GNG7: variants seen among roughly 807,000 people sequenced by gnomAD.
GNG7 encodes the protein guanine nucleotide-binding protein G(I)/G(S)/G(O) subunit gamma-7.
In GNG7, 1 loss-of-function variant was observed where a neutral mutation model predicts 4.0. The observed-to-expected ratio is 0.25, with a 90% confidence interval of 0.09 to 1.18. The LOEUF is 1.18. GNG7 is among the 50% of genes most tolerant of loss of function. GNG7 has a pLI of 0.50. For missense variants in GNG7, 86 were observed against 91.9 expected (o/e 0.94, Z 0.26); for synonymous variants, 34 against 36.9 (o/e 0.92, Z 0.29).
At chr19:2,667,877 T>G (rs1188909708) in intron 1 of GNG7, among the ~76,000 whole-genome samples, 1 of 151,982 alleles carries the variant, frequency 6.6e-6, no homozygotes, top group Non-Finnish European at 1.5e-5. Flanking sequence ...ATTGCACCAC[T>G]GTACTCCAGC....
chr19:2,538,119 G>C (rs1399990980), intron 3 of GNG7: 12 of 454,186 alleles, frequency 2.6e-5, no homozygotes, highest in Non-Finnish European at 5.3e-5. Flanking sequence ...AATGAATGGA[G>C]AGGAGAAAAG....
At chr19:2,529,715 T>C (rs375778140) in intron 3 of GNG7, among the ~76,000 whole-genome samples, 2 of 152,224 alleles carry the variant, frequency 1.3e-5, no homozygotes, top group South Asian at 2.1e-4. Flanking sequence ...GGACTGTGAG[T>C]TGCATCAGCC....
At chr19:2,537,617 C>G (rs1196553712) in intron 3 of GNG7, among the ~76,000 whole-genome samples, 1 of 151,610 alleles carries the variant, frequency 6.6e-6, no homozygotes, top group Non-Finnish European at 1.5e-5. Flanking sequence ...TGAGCATGCT[C>G]AAAGTGTACG....
chr19:2,635,601 G>T (rs77364417), intron 2 of GNG7, among the ~76,000 whole-genome samples: 87 of 80,594 alleles, frequency 1.1e-3, no homozygotes, highest in African/African-American at 3.1e-3. Context: ...TTTTTTTTTT[G>T]AGACGGAGTC....
intron 1 of GNG7, among the ~76,000 whole-genome samples, chr19:2,651,272 C>T (rs1982809196): frequency 9.0e-6 from 1 of 110,546 alleles, no homozygotes. Context: ...TTCCTTCCTT[C>T]CCTCCCTCCC....
At position 2,668,914 on chromosome 19, in the gene GNG7, G is replaced by A. The variant is rs189736377; in HGVS notation, c.-134-22634C>T. Among the ~76,000 whole-genome samples, 5 of 152,202 alleles carry A rather than the reference G, an allele frequency of 3.3e-5. No individual in the cohort carries two copies. In the East Asian group the frequency reaches 9.7e-4, roughly 29 times the overall value. ...CTGGGAACACCCCTCAACCGCAAAT[G>A]TCCCCAGACATTGCCAAATGTCCCC... On this transcript the variant is annotated intron_variant, in intron 1 of 4. Coordinates refer to ENST00000382159, the MANE Select transcript of GNG7 (RefSeq NM_052847.3).
intron 2 of GNG7, among the ~76,000 whole-genome samples, chr19:2,616,534 T>C (rs930721512): frequency 6.6e-6 from 1 of 152,168 alleles, no homozygotes; most frequent in African/African-American, 2.4e-5. Flanking sequence ...CCCAGCACTT[T>C]GGGAGGCCAA....
intron 2 of GNG7, among the ~76,000 whole-genome samples, chr19:2,574,635 T>G (rs1980252023): frequency 6.6e-6 from 1 of 152,230 alleles, no homozygotes; most frequent in African/African-American, 2.4e-5. Context: ...GATGGGCGCC[T>G]GGGGTGGCTT....
chr19:2,512,404 C>A lies in GNG7; in HGVS notation c.*2618G>T, dbSNP rs1455535087. ...TTTAATCCCCCAAGCTAGAAAGAAA[C>A]CCACAGGCTTCTGGCAATGGCCACC... On this transcript the variant is annotated 3_prime_UTR_variant, in exon 5 of 5. Transcript: ENST00000382159. The surrounding 1 kb of genome is among the most constrained non-coding windows in gnomAD (Gnocchi z 4.7). 1 of 981,606 alleles carries A rather than the reference C, an allele frequency of 1.0e-6. No homozygotes were observed. Among genetic ancestry groups the A allele is most frequent in the Non-Finnish European group, 1.2e-6 (1 of 826,730 alleles). 60.8% of individuals were successfully genotyped at this position (981,606 alleles called of 1,614,324 possible).
rs111680463 is a variant in GNG7, at chr19:2,667,973, C to G, written c.-134-21693G>C. On this transcript the variant is annotated intron_variant, in intron 1 of 4. Coordinates refer to ENST00000382159, the MANE Select transcript of GNG7 (RefSeq NM_052847.3). ...AGAAAATCTGAAAAACTGTCACAGG[C>G]CAGAGATGGGATCCTGGATGGGGCC... Among the ~76,000 whole-genome samples the G allele has an allele frequency of 5.1e-3, 769 of 152,152 alleles. 11 individuals are homozygous for G. The highest frequency in any genetic ancestry group is 0.018 in the African/African-American group (740 of 41,510).
At chr19:2,555,364 T>A (rs544407296) in intron 2 of GNG7, among the ~76,000 whole-genome samples, 176 bp from the exon 3 acceptor site, 2 of 152,288 alleles carry the variant, frequency 1.3e-5, no homozygotes, top group East Asian at 3.9e-4. Flanking sequence ...GAATCCACTT[T>A]ATTCTTTACC....
intron 1 of GNG7, chr19:2,701,089 T>C (rs1485208559): frequency 3.3e-5 from 5 of 152,058 alleles, no homozygotes; most frequent in African/African-American, 1.2e-4. Flanking sequence ...GACAGGAGCC[T>C]TTCTCCTTCC....
intron 1 of GNG7, among the ~76,000 whole-genome samples, chr19:2,680,916 C>T (rs546956714): frequency 7.9e-5 from 12 of 151,830 alleles, no homozygotes; most frequent in African/African-American, 2.2e-4. Context: ...ATGAGGGTCC[C>T]CATGTCCTAC....
At chr19:2,550,180 C>A (rs1398962720) in intron 3 of GNG7, among the ~76,000 whole-genome samples, 1 of 152,144 alleles carries the variant, frequency 6.6e-6, no homozygotes, top group African/African-American at 2.4e-5. Flanking sequence ...GAAGGAGCGG[C>A]TGGGAGGCAC....
chr19:2,699,252 G>C (rs1913342897), intron 1 of GNG7, among the ~76,000 whole-genome samples: 1 of 151,112 alleles, frequency 6.6e-6, no homozygotes, highest in Non-Finnish European at 1.5e-5. Flanking sequence ...GGGTTCAGGT[G>C]ATTCTCCTGC....
At position 2,512,371 on chromosome 19, in the gene GNG7, A is replaced by AT. The variant is rs112329186; in HGVS notation, c.*2650dup. On this transcript the variant is annotated 3_prime_UTR_variant, in exon 5 of 5. Transcript: ENST00000382159. This position sits in a 1 kb window ranked among gnomAD's most constrained non-coding sequence, Gnocchi z 4.7. The stretch of plus-strand genomic sequence containing the variant: ...TACTCAAGAAAAAAAAAAGTGGAGA[A>AT]TTTTTTTTTTAATCCCCCAAGCTAG... The AT allele has an allele frequency of 1.7e-4, 154 of 917,980 alleles. No individual in the cohort carries two copies. Among genetic ancestry groups the AT allele is most frequent in the Non-Finnish European group, 1.9e-4 (147 of 768,886 alleles). The allele number at this position is 917,980 out of a possible 1,614,324, so 56.9% of individuals were successfully genotyped here. A position where few individuals can be genotyped will look rare whatever the true frequency, so the allele number is the denominator to read the frequency against.
intron 3 of GNG7, among the ~76,000 whole-genome samples, chr19:2,542,029 C>T (rs561132758): frequency 1.3e-5 from 2 of 151,050 alleles, no homozygotes; most frequent in East Asian, 2.0e-4. Context: ...GGCTGCAGGG[C>T]GGCCCTTCCA....
chr19:2,671,417 C>T lies in GNG7; in HGVS notation c.-134-25137G>A, dbSNP rs139860414. Reference sequence around the variant, plus strand: ...GACCAACCCTCCAAGTGCTGACGAACGAGGTGAATGAGGCTCAAGGTGACG... The same window carrying T: ...GACCAACCCTCCAAGTGCTGACGAATGAGGTGAATGAGGCTCAAGGTGACG... On this transcript the variant is annotated intron_variant, in intron 1 of 4. Coordinates refer to ENST00000382159, the MANE Select transcript of GNG7 (RefSeq NM_052847.3). 4.9e-3 allele frequency among the ~76,000 whole-genome samples: 739 copies of T among 152,216 alleles called. 10 individuals carry two copies. The highest frequency in any genetic ancestry group is 0.02 in the Middle Eastern group (6 of 294).
intron 2 of GNG7, among the ~76,000 whole-genome samples, chr19:2,623,114 C>G (rs1010584838): frequency 1.3e-5 from 2 of 152,172 alleles, no homozygotes; most frequent in Non-Finnish European, 2.9e-5. Flanking sequence ...AAACCCAGAA[C>G]AAACGGGGTG....
Sources: allele counts gnomAD v4.1 joint callset (sites outside exome capture counted in the v4.1 genomes callset), GRCh38; gene constraint gnomAD v4.1.1; non-coding constraint Gnocchi (gnomAD v3.1); transcripts MANE v1.5; gene names NCBI Gene and HGNC (gene_info 2026-07-23, HGNC 2026-07-21).